The following B3GALT1 variants were observed in gnomAD, a reference collection of about 807,000 sequenced individuals.
B3GALT1 encodes beta-1,3-galactosyltransferase 1, also known as UDP-Gal:betaGlcNAc beta 1,3-galactosyltransferase, polypeptide 1.
B3GALT1 carries 10 observed loss-of-function variants against 23.2 expected under a neutral mutation model. The observed-to-expected ratio is 0.43, with a 90% CI of 0.27 to 0.73. The LOEUF is 0.73. Among genes scored for constraint, B3GALT1 ranks in the 30% least tolerant of loss-of-function variants. The pLI is 0.21. For synonymous variants in B3GALT1, 156 were observed against 141.5 expected (o/e 1.10, Z -0.73); for missense variants, 299 against 405.4 (o/e 0.74, Z 2.25).
At chr2:167,336,129 C>T (rs1401410787) in intron 1 of B3GALT1, among the ~76,000 whole-genome samples, 1 of 151,996 alleles carries the variant, frequency 6.6e-6, no homozygotes, top group East Asian at 1.9e-4. Flanking sequence ...CAGAGGGAAC[C>T]TTAGTGGAGT....
At chr2:167,458,823 AG>A (rs1339591209) in intron 1 of B3GALT1, among the ~76,000 whole-genome samples, 1 of 152,096 alleles carries the variant, frequency 6.6e-6, no homozygotes, top group Non-Finnish European at 1.5e-5. Context: ...GTTGATTGTT[AG>A]TATATAGAAA....
At chr2:167,633,611 G>A (rs961077808) in intron 2 of B3GALT1, among the ~76,000 whole-genome samples, 1 of 151,958 alleles carries the variant, frequency 6.6e-6, no homozygotes, top group Non-Finnish European at 1.5e-5. Flanking sequence ...AATGGTAAAG[G>A]GATCAATTCA....
chr2:167,870,121 G>C lies in B3GALT1; in HGVS notation c.*101G>C. 8.0e-7 allele frequency: 1 copy of C among 1,256,312 alleles called. No individual in the cohort carries two copies. The allele number at this position is 1,256,312 out of a possible 1,614,324, so 77.8% of individuals were successfully genotyped here. ...TCGGGGGAAATGAACTGGTGAAGGGGTTTTGTAAAGTTTTTGCTTCCTGCT... is the reference window on the plus strand; with the variant it reads ...TCGGGGGAAATGAACTGGTGAAGGGCTTTTGTAAAGTTTTTGCTTCCTGCT... On this transcript the variant is annotated 3_prime_UTR_variant, in exon 5 of 5. Coordinates refer to ENST00000392690, the MANE Select transcript of B3GALT1 (RefSeq NM_020981.4).
chr2:167,495,971 A>G (rs776256369), intron 2 of B3GALT1, among the ~76,000 whole-genome samples: 154 of 152,356 alleles, frequency 1.0e-3, no homozygotes, highest in Non-Finnish European at 2.6e-4. Context: ...AAATATAGGT[A>G]CAATTTGCTT....
At chr2:167,663,781 G>A (rs975744019) in intron 3 of B3GALT1, among the ~76,000 whole-genome samples, 43 of 152,010 alleles carry the variant, frequency 2.8e-4, no homozygotes, top group African/African-American at 2.4e-5. Context: ...CTCTGTTCAT[G>A]TCCTTCGCCC....
intron 1 of B3GALT1, among the ~76,000 whole-genome samples, chr2:167,381,252 A>G (rs764495985): frequency 4.6e-5 from 7 of 151,900 alleles, no homozygotes; most frequent in Non-Finnish European, 7.4e-5. Context: ...TCAGAGATGG[A>G]GTCTCACTAC....
chr2:167,763,874 A>G (rs1003515988), intron 3 of B3GALT1, among the ~76,000 whole-genome samples: 4 of 152,166 alleles, frequency 2.6e-5, no homozygotes, highest in Non-Finnish European at 4.4e-5. Flanking sequence ...ATCTGCTGGA[A>G]GACAAAGGAC....
At chr2:167,677,444 C>T (rs143494823) in intron 3 of B3GALT1, among the ~76,000 whole-genome samples, 2 of 152,258 alleles carry the variant, frequency 1.3e-5, no homozygotes, top group East Asian at 1.9e-4. Context: ...AAGCACCATC[C>T]CACTCTAACC....
chr2:167,593,216 A>G (rs1221463447), intron 2 of B3GALT1, among the ~76,000 whole-genome samples: 1 of 152,228 alleles, frequency 6.6e-6, no homozygotes, highest in African/African-American at 2.4e-5. Flanking sequence ...AAATACATAT[A>G]AATAAGGAAA....
At chr2:167,603,825 G>A (rs1157723439) in intron 2 of B3GALT1, among the ~76,000 whole-genome samples, 3 of 151,636 alleles carry the variant, frequency 2.0e-5, no homozygotes, top group Admixed American at 6.6e-5. Context: ...GCAGGCAGCC[G>A]AGAAACACAT....
chr2:167,523,495 A>C (rs1330375790), intron 2 of B3GALT1, among the ~76,000 whole-genome samples: 1 of 150,480 alleles, frequency 6.6e-6, no homozygotes, highest in East Asian at 2.0e-4. Context: ...GCACAATGTC[A>C]GCTTACTGCA....
At chr2:167,785,823 T>C (rs757536064) in intron 3 of B3GALT1, among the ~76,000 whole-genome samples, 2 of 152,208 alleles carry the variant, frequency 1.3e-5, no homozygotes, top group Non-Finnish European at 2.9e-5. Flanking sequence ...GCATTTTTAC[T>C]CTGCTCTTTG....
chr2:167,341,214 A>G (rs1220425681), intron 1 of B3GALT1, among the ~76,000 whole-genome samples: 1 of 152,184 alleles, frequency 6.6e-6, no homozygotes, highest in African/African-American at 2.4e-5. Flanking sequence ...TCAACAAGGG[A>G]AAAGCACATG....
intron 1 of B3GALT1, among the ~76,000 whole-genome samples, chr2:167,367,612 T>C (rs1050386283): frequency 7.2e-5 from 11 of 152,230 alleles, no homozygotes; most frequent in African/African-American, 2.7e-4. Context: ...TCTGCAATTC[T>C]ATTAAGAATT....
intron 2 of B3GALT1, among the ~76,000 whole-genome samples, chr2:167,509,082 A>C (rs535247842): frequency 3.6e-4 from 55 of 152,334 alleles, no homozygotes; most frequent in Admixed American, 9.8e-4. Flanking sequence ...AGAAGAAGTG[A>C]GAAGAGCAGT....
intron 3 of B3GALT1, among the ~76,000 whole-genome samples, chr2:167,802,134 A>G (rs1688648137): frequency 6.6e-6 from 1 of 152,228 alleles, no homozygotes; most frequent in South Asian, 2.1e-4. Context: ...ACCTGTAGCC[A>G]CACTACAAGT....
intron 1 of B3GALT1, among the ~76,000 whole-genome samples, chr2:167,410,166 T>G (rs1257462403): frequency 1.3e-5 from 2 of 151,900 alleles, no homozygotes; most frequent in South Asian, 2.1e-4. Flanking sequence ...CTCAGCAAAC[T>G]AACACAGGAA....
At chr2:167,760,523 G>A (rs73019375) in intron 3 of B3GALT1, among the ~76,000 whole-genome samples, 3,255 of 152,244 alleles carry the variant, frequency 0.021, 126 homozygotes, top group African/African-American at 0.075. Flanking sequence ...GAAACAGTGC[G>A]ATGCATTGAA....
chr2:167,416,156 T>G (rs1297534097), intron 1 of B3GALT1, among the ~76,000 whole-genome samples: 1 of 152,072 alleles, frequency 6.6e-6, no homozygotes, highest in Non-Finnish European at 1.5e-5. Context: ...CTGGAAGCAT[T>G]TCTGAGATCT....
Sources: gnomAD v4.1 joint callset for allele counts (sites outside exome capture counted in the v4.1 genomes callset) on GRCh38, gnomAD v4.1.1 for gene constraint, MANE v1.5 for transcripts, NCBI Gene and HGNC (gene_info 2026-07-23, HGNC 2026-07-21) for gene names.